The following FBXO4 variants were observed in gnomAD, a reference collection of about 807,000 sequenced individuals.
FBXO4 encodes F-box only protein 4.
FBXO4 carries 36 observed loss-of-function variants against 43.7 expected under a neutral mutation model. The observed-to-expected ratio is 0.82, with a 90% confidence interval of 0.63 to 1.09. The LOEUF (loss-of-function observed/expected upper bound fraction) is 1.09, where lower values mean the gene tolerates loss of function less well. FBXO4 is among the 50% of genes least tolerant of loss of function. The pLI is 0.00. For missense variants in FBXO4, 435 were observed against 474.1 expected, an observed-to-expected ratio of 0.92 and a Z score of 0.77; for synonymous variants, 180 against 165.6, an observed-to-expected ratio of 1.09 and a Z score of -0.67.
chr5:42,026,371 T>A, the FBXO4 span, among the ~76,000 whole-genome samples: 1 of 151,832 alleles, frequency 6.6e-6, no homozygotes, highest in African/African-American at 2.4e-5. Flanking sequence ...CACTGATTTT[T>A]ATATATAGAA....
the FBXO4 span, among the ~76,000 whole-genome samples, chr5:41,955,908 A>G: frequency 1.3e-5 from 2 of 152,122 alleles, no homozygotes; most frequent in East Asian, 1.9e-4. Context: ...AGAAAAATCA[A>G]CTCTAGACTC....
At chr5:42,040,339 G>T in the FBXO4 span, among the ~76,000 whole-genome samples, 3 of 152,044 alleles carry the variant, frequency 2.0e-5, no homozygotes, top group South Asian at 6.2e-4. Flanking sequence ...TGTTCTGTCC[G>T]CACTGTTTAG....
At chr5:42,018,986 T>A in the FBXO4 span, among the ~76,000 whole-genome samples, 3 of 152,174 alleles carry the variant, frequency 2.0e-5, no homozygotes, top group African/African-American at 7.2e-5. Context: ...GAACACTGGT[T>A]AATTTATAAT....
At chr5:42,011,244 G>A in the FBXO4 span, among the ~76,000 whole-genome samples, 857 of 152,292 alleles carry the variant, frequency 5.6e-3, 31 homozygotes, top group East Asian at 0.1. Flanking sequence ...CTAGTGGGAG[G>A]TGTTTTGGTA....
the FBXO4 span, among the ~76,000 whole-genome samples, chr5:41,970,691 A>G: frequency 6.6e-6 from 1 of 152,120 alleles, no homozygotes; most frequent in East Asian, 1.9e-4. Context: ...AGTGCCACCA[A>G]TGATGGTTAA....
the FBXO4 span, among the ~76,000 whole-genome samples, chr5:41,962,815 C>T: frequency 6.6e-6 from 1 of 152,298 alleles, no homozygotes; most frequent in South Asian, 2.1e-4. Context: ...TCTGGGGACT[C>T]CAAATCATCA....
chr5:41,940,522 A>C (rs913779584), intron 6 of FBXO4, among the ~76,000 whole-genome samples: 2 of 152,228 alleles, frequency 1.3e-5, no homozygotes, highest in African/African-American at 4.8e-5. Flanking sequence ...ATGGCTTCCC[A>C]AAGTGCTGGG....
chr5:42,018,221 A>G, the FBXO4 span, among the ~76,000 whole-genome samples: 1 of 151,108 alleles, frequency 6.6e-6, no homozygotes, highest in Non-Finnish European at 1.5e-5. Context: ...CTCCCATGAT[A>G]AACTCTAGGT....
At chr5:41,966,771 C>CT in the FBXO4 span, among the ~76,000 whole-genome samples, 3 of 151,938 alleles carry the variant, frequency 2.0e-5, no homozygotes, top group South Asian at 2.1e-4. Context: ...GGTTTGGTAC[C>CT]TAAAATGATT....
the FBXO4 span, among the ~76,000 whole-genome samples, chr5:41,985,640 C>T: frequency 1.2e-4 from 19 of 152,132 alleles, no homozygotes; most frequent in South Asian, 4.1e-4. Flanking sequence ...AGTCAGCCTG[C>T]GTTATAATTT....
the FBXO4 span, chr5:41,967,077 G>A: frequency 7.9e-5 from 20 of 252,820 alleles, no homozygotes; most frequent in African/African-American, 3.7e-4. Context: ...CGTTTCTCTC[G>A]GCTTGCTTTG....
the FBXO4 span, among the ~76,000 whole-genome samples, chr5:42,031,681 G>A: frequency 1.3e-5 from 2 of 151,902 alleles, no homozygotes; most frequent in Admixed American, 1.3e-4. Context: ...AGGATTTGTC[G>A]TGAATGCCTT....
intron 3 of FBXO4, 32 bp downstream of exon 3, chr5:41,929,949 A>G (rs1348089094): frequency 1.4e-6 from 2 of 1,462,036 alleles, no homozygotes; most frequent in South Asian, 1.2e-5. Flanking sequence ...AGTTAATTCA[A>G]ACACTTTGAG....
At chr5:41,991,479 T>C in the FBXO4 span, among the ~76,000 whole-genome samples, 1 of 152,218 alleles carries the variant, frequency 6.6e-6, no homozygotes, top group Admixed American at 6.5e-5. Flanking sequence ...CATACATTCC[T>C]GGGTTTCCTT....
chr5:41,967,019 C>T, the FBXO4 span: 1 of 255,650 alleles, frequency 3.9e-6, no homozygotes, highest in Non-Finnish European at 7.6e-6. Flanking sequence ...TCAATAAATG[C>T]AAAGCATCAT....
At chr5:41,951,259 TC>T in the FBXO4 span, 1 of 157,714 alleles carries the variant, frequency 6.3e-6, no homozygotes, top group Admixed American at 6.5e-5. Context: ...TGATTTTTTT[TC>T]ATCAACCTTA....
chr5:42,022,187 A>G, the FBXO4 span, among the ~76,000 whole-genome samples: 65 of 152,242 alleles, frequency 4.3e-4, no homozygotes, highest in African/African-American at 1.5e-3. Context: ...TCCTTCCTTT[A>G]CCTTCTTAAA....
At chr5:41,956,932 G>A in the FBXO4 span, among the ~76,000 whole-genome samples, 5 of 151,344 alleles carry the variant, frequency 3.3e-5, no homozygotes, top group Admixed American at 6.6e-5. Flanking sequence ...GGCTGGTCTC[G>A]AACTCCTGAC....
At chr5:41,957,088 T>G in the FBXO4 span, among the ~76,000 whole-genome samples, 1 of 152,142 alleles carries the variant, frequency 6.6e-6, no homozygotes, top group African/African-American at 2.4e-5. Flanking sequence ...GAGGTGTGGT[T>G]TTCTTTGTAT....
Sources: allele counts gnomAD v4.1 joint callset (sites outside exome capture counted in the v4.1 genomes callset), GRCh38; gene constraint gnomAD v4.1.1; transcripts MANE v1.5; gene names NCBI Gene and HGNC (gene_info 2026-07-23, HGNC 2026-07-21).